POU3F2: variants seen among roughly 807,000 people sequenced by gnomAD.
The protein encoded by POU3F2 is POU class 3 homeobox 2.
In POU3F2, 11 loss-of-function variants were observed where a neutral mutation model predicts 33.1. That is an observed-to-expected ratio of 0.33 (90% CI 0.21 to 0.55). The LOEUF (loss-of-function observed/expected upper bound fraction) is 0.55, where lower values mean the gene tolerates loss of function less well. Ranked by LOEUF, POU3F2 falls within the 20% of genes least tolerant of loss-of-function variation. The pLI is 0.91. For synonymous variants in POU3F2, 332 were observed against 289.6 expected, an observed-to-expected ratio of 1.15 and a Z score of -1.49; for missense variants, 456 against 620.2, an observed-to-expected ratio of 0.74 and a Z score of 2.81.
At position 98,836,437 on chromosome 6, in the gene POU3F2, G is replaced by A. The variant is rs1029010673; in HGVS notation, c.*232G>A. 9.7e-5 allele frequency: 49 copies of A among 504,660 alleles called. No homozygotes were observed. Among genetic ancestry groups the A allele is most frequent in the Non-Finnish European group, 1.6e-4 (46 of 291,348 alleles). 31.3% of individuals were successfully genotyped at this position (504,660 alleles called of 1,614,324 possible). A position where few individuals can be genotyped will look rare whatever the true frequency, so the allele number is the denominator to read the frequency against. Reference sequence around the variant, plus strand: ...GATGTGTTTTGACCTTTGCAGGCGAGTAACCAGGCAATGGAGTGGAGTGTC... The same window carrying A: ...GATGTGTTTTGACCTTTGCAGGCGAATAACCAGGCAATGGAGTGGAGTGTC... On this transcript the variant is annotated 3_prime_UTR_variant, in exon 1 of 1. Coordinates refer to ENST00000328345, the MANE Select transcript of POU3F2 (RefSeq NM_005604.4).
chr6:98,836,987 A>T lies in POU3F2; in HGVS notation c.*782A>T, dbSNP rs1370099455. On this transcript the variant is annotated 3_prime_UTR_variant, in exon 1 of 1. Transcript: ENST00000328345. ...AACATCTATTTGTTCCTCTTACCAA[A>T]GCAAAAGGATTGGCTTCATACAAAA... 2 of 167,070 alleles carry T rather than the reference A, an allele frequency of 1.2e-5. No individual in the cohort carries two copies. The highest frequency in any genetic ancestry group is 4.8e-5 in the African/African-American group (2 of 41,442). The allele number at this position is 167,070 out of a possible 1,614,324, so 10.3% of individuals were successfully genotyped here. A position where few individuals can be genotyped will look rare whatever the true frequency, so the allele number is the denominator to read the frequency against.
Position 98,834,925 on chromosome 6 carries a change from A to G in POU3F2, c.52A>G (p.Ile18Val), listed in dbSNP as rs761363151. The G allele has an allele frequency of 6.9e-6, 11 of 1,600,086 alleles. No homozygotes were observed. The East Asian group carries it at 9.0e-5, about 13-fold the overall frequency. The change falls in exon 1 of 1, where the codon ATC becomes GTC. Residue 18 changes from isoleucine to valine, a missense_variant. Around this residue, in one of 6 missense-constraint regions of POU3F2, gnomAD observed 341 missense variants for 382.4 expected, o/e 0.89. Coordinates refer to ENST00000328345, the MANE Select transcript of POU3F2 (RefSeq NM_005604.4). ...HYSLLTSSAS[I>V]VHAEPPGGMQ... ...CAGCCTGCTCACCTCCAGCGCCTCC[A>G]TCGTGCACGCCGAGCCGCCCGGCGG...
Position 98,834,963 on chromosome 6 carries a change from C to A in POU3F2, c.90C>A (p.Gly30=), listed in dbSNP as rs1487665267. The change falls in exon 1 of 1, where the codon GGC becomes GGA. Residue 30 remains glycine (G), a synonymous_variant. Coordinates refer to ENST00000328345, the MANE Select transcript of POU3F2 (RefSeq NM_005604.4). ...AGCCGCCCGGCGGCATGCAGCAGGGCGCGGGGGGCTACCGCGAAGCGCAGA... is the reference window on the plus strand; with the variant it reads ...AGCCGCCCGGCGGCATGCAGCAGGGAGCGGGGGGCTACCGCGAAGCGCAGA... ...HAEPPGGMQQ[G]AGGYREAQSL... 1.3e-6 allele frequency: 2 copies of A among 1,598,598 alleles called. No homozygotes were observed. Among genetic ancestry groups the A allele is most frequent in the Non-Finnish European group, 1.7e-6 (2 of 1,178,584 alleles).
Position 98,836,949 on chromosome 6 carries a change from C to G in POU3F2, c.*744C>G, listed in dbSNP as rs996075342. On this transcript the variant is annotated 3_prime_UTR_variant, in exon 1 of 1. Coordinates refer to ENST00000328345, the MANE Select transcript of POU3F2 (RefSeq NM_005604.4). ...GAACTTTGGTTACCTTCACATTCCC[C>G]TTACGAGGGTGTAACATCTATTTGT... 4.2e-5 allele frequency: 7 copies of G among 167,098 alleles called. No individual in the cohort carries two copies. The highest frequency in any genetic ancestry group is 1.7e-4 in the African/African-American group (7 of 41,450). The allele number at this position is 167,098 out of a possible 1,614,324, so 10.4% of individuals were successfully genotyped here.
chr6:98,835,628 C>A lies in POU3F2; in HGVS notation c.755C>A (p.Pro252Gln), dbSNP rs1769988464. Residue 252 changes from proline to glutamine, a missense_variant, in exon 1 of 1, where the codon CCA (proline) becomes CAA (glutamine). Coordinates refer to ENST00000328345, the MANE Select transcript of POU3F2 (RefSeq NM_005604.4). This position sits in a 1 kb window ranked among gnomAD's most constrained non-coding sequence, Gnocchi z 9.7. ...CCCCCGCAGGGTCCGCCTGGCCACC[C>A]AGGCGCGCACCACGACCCGCACTCG... Reference protein sequence around the residue: ...PPPPQGPPGHPGAHHDPHSDE... With the variant: ...PPPPQGPPGHQGAHHDPHSDE... The A allele has an allele frequency of 1.2e-6, 2 of 1,612,526 alleles. No homozygotes were observed. Among genetic ancestry groups the A allele is most frequent in the African/African-American group, 2.7e-5 (2 of 74,934 alleles).
rs772489128 is a variant in POU3F2, at chr6:98,835,471, A to C, written c.598A>C (p.Met200Leu). The change falls in exon 1 of 1, where the codon ATG (methionine) becomes CTG (leucine). Residue 200 changes from methionine (M) to leucine (L), a missense_variant. Physicochemically the swap from Met to Leu is conservative, Grantham distance 15 (BLOSUM62 2). Transcript: ENST00000328345. This position sits in a 1 kb window ranked among gnomAD's most constrained non-coding sequence, Gnocchi z 9.7. ...GCAGCCCAGCTTCACGGTGAACGGC[A>C]TGCTGGGCGCCGGCGGGCAGCCGGC... ...YSQPSFTVNGMLGAGGQPAGL... is the reference protein window; with the variant it reads ...YSQPSFTVNGLLGAGGQPAGL... 1.9e-6 allele frequency: 3 copies of C among 1,578,136 alleles called. No homozygotes were observed. The highest frequency in any genetic ancestry group is 2.6e-6 in the Non-Finnish European group (3 of 1,168,896).
Position 98,835,047 on chromosome 6 carries a change from T to C in POU3F2, c.174T>C (p.Ala58=), listed in dbSNP as rs1769972169. Residue 58 remains alanine, a synonymous_variant, in exon 1 of 1, where the codon GCT becomes GCC. Coordinates refer to ENST00000328345, the MANE Select transcript of POU3F2 (RefSeq NM_005604.4). This position sits in a 1 kb window ranked among gnomAD's most constrained non-coding sequence, Gnocchi z 9.7. ...GCAACGGACACCCGCTCAGCCACGC[T>C]CACCAGTGGATCACCGCGCTGTCCC... ...LQSNGHPLSH[A]HQWITALSHG... 1 of 1,442,548 alleles carries C rather than the reference T, an allele frequency of 6.9e-7. No homozygotes were observed. Among genetic ancestry groups the C allele is most frequent in the Non-Finnish European group, 9.1e-7 (1 of 1,100,530 alleles). 89.4% of individuals were successfully genotyped at this position (1,442,548 alleles called of 1,614,324 possible).
chr6:98,835,511 A>G lies in POU3F2; in HGVS notation c.638A>G (p.His213Arg). 2 of 1,565,836 alleles carry G rather than the reference A, an allele frequency of 1.3e-6. No individual in the cohort carries two copies. The highest frequency in any genetic ancestry group is 8.6e-7 in the Non-Finnish European group (1 of 1,164,230). The change falls in exon 1 of 1, where the codon CAC becomes CGC. Residue 213 changes from histidine (H) to arginine (R), a missense_variant. By Grantham distance (29) the His-to-Arg change is conservative. Coordinates refer to ENST00000328345, the MANE Select transcript of POU3F2 (RefSeq NM_005604.4). This position sits in a 1 kb window ranked among gnomAD's most constrained non-coding sequence, Gnocchi z 9.7. ...GGGCAGCCGGCCGGTCTGCACCACCACGGCCTGCGGGACGCGCACGACGAG... is the reference window on the plus strand; with the variant it reads ...GGGCAGCCGGCCGGTCTGCACCACCGCGGCCTGCGGGACGCGCACGACGAG... ...AGGQPAGLHHHGLRDAHDEPH... is the reference protein window; with the variant it reads ...AGGQPAGLHHRGLRDAHDEPH...
chr6:98,836,131 C>T lies in POU3F2; in HGVS notation c.1258C>T (p.Pro420Ser). Residue 420 changes from proline (P) to serine (S), a missense_variant, in exon 1 of 1, where the codon CCG becomes TCG. Pro to Ser is a moderately conservative substitution (Grantham distance 74). This residue lies in a region of POU3F2 where 46 missense variants were observed against 45.6 expected (regional missense o/e 1.01). Transcript: ENST00000328345. The part of the protein sequence containing the change: ...KRMTPPGGTL[P>S]GAEDVYGGSR... Reference sequence around the variant, plus strand: ...GATGACCCCTCCCGGAGGGACTCTGCCGGGCGCCGAGGATGTGTACGGGGG... The same window carrying T: ...GATGACCCCTCCCGGAGGGACTCTGTCGGGCGCCGAGGATGTGTACGGGGG... 4 of 1,605,084 alleles carry T rather than the reference C, an allele frequency of 2.5e-6. No individual in the cohort carries two copies. The highest frequency in any genetic ancestry group is 3.4e-6 in the Non-Finnish European group (4 of 1,177,884).
At position 98,838,957 on chromosome 6, in the gene POU3F2, T is replaced by C. The variant is rs1770036365; in HGVS notation, c.*2752T>C. 6.6e-6 allele frequency: 1 copy of C among 151,992 alleles called. No individual in the cohort carries two copies. Among genetic ancestry groups the C allele is most frequent in the Non-Finnish European group, 1.5e-5 (1 of 67,994 alleles). 9.4% of individuals were successfully genotyped at this position (151,992 alleles called of 1,614,324 possible). A position where few individuals can be genotyped will look rare whatever the true frequency, so the allele number is the denominator to read the frequency against. On this transcript the variant is annotated 3_prime_UTR_variant, in exon 1 of 1. Transcript: ENST00000328345. ...AAAGTTTTGGAATAAATTTTATGCA[T>C]ATACTGCCAGATTTGATGTTCATAA...
In POU3F2 at chr6:98,835,506, C is replaced by G; in HGVS notation, c.633C>G (p.His211Gln). Reference sequence around the variant, plus strand: ...CCGGCGGGCAGCCGGCCGGTCTGCACCACCACGGCCTGCGGGACGCGCACG... The same window carrying G: ...CCGGCGGGCAGCCGGCCGGTCTGCAGCACCACGGCCTGCGGGACGCGCACG... ...LGAGGQPAGL[H>Q]HHGLRDAHDE... Residue 211 changes from histidine (H) to glutamine (Q), a missense_variant, in exon 1 of 1, where the codon CAC (histidine) becomes CAG (glutamine). Physicochemically the swap from His to Gln is conservative, Grantham distance 24. Coordinates refer to ENST00000328345, the MANE Select transcript of POU3F2 (RefSeq NM_005604.4). The surrounding 1 kb of genome is among the most constrained non-coding windows in gnomAD (Gnocchi z 9.7). The G allele has an allele frequency of 6.4e-7, 1 of 1,565,404 alleles. No individual in the cohort carries two copies. The highest frequency in any genetic ancestry group is 8.6e-7 in the Non-Finnish European group (1 of 1,164,030).
rs1562201541 is a variant in POU3F2 at position 98,835,257 on chromosome 6, TCAGCAGCAGCAACAGCAA to T, written c.402_419del (p.Gln144_Gln149del). 18 of 1,542,092 alleles carry T rather than the reference TCAGCAGCAGCAACAGCAA, an allele frequency of 1.2e-5. No individual in the cohort carries two copies. The highest frequency in any genetic ancestry group is 1.4e-5 in the African/African-American group (1 of 71,862). ...GGCCAGGCGCCCTGCAGCAGCAGCA[TCAGCAGCAGCAACAGCAA>T]CAGCAGCAGCAACAGCAGCAACAGC... On this transcript the variant is annotated inframe_deletion, in exon 1 of 1. Coordinates refer to ENST00000328345, the MANE Select transcript of POU3F2 (RefSeq NM_005604.4). The surrounding 1 kb of genome is among the most constrained non-coding windows in gnomAD (Gnocchi z 9.7).
In POU3F2 at chr6:98,834,894, C is replaced by G. The variant is rs1053016703; in HGVS notation, c.21C>G (p.Asn7Lys). 2.5e-6 allele frequency: 4 copies of G among 1,599,698 alleles called. No homozygotes were observed. The highest frequency in any genetic ancestry group is 3.4e-6 in the Non-Finnish European group (4 of 1,179,340). The change falls in exon 1 of 1, where the codon AAC (asparagine) becomes AAG (lysine). Residue 7 changes from asparagine to lysine, a missense_variant. This residue lies in a region of POU3F2 where 341 missense variants were observed against 382.4 expected (regional missense o/e 0.89). Transcript: ENST00000328345. The stretch of plus-strand genomic sequence containing the variant: ...GAGTCATGGCGACCGCAGCGTCTAA[C>G]CACTACAGCCTGCTCACCTCCAGCG... Reference protein sequence around the residue: MATAASNHYSLLTSSAS... With the variant: MATAASKHYSLLTSSAS...
At position 98,837,377 on chromosome 6, in the gene POU3F2, T is replaced by C. The variant is rs1770013860; in HGVS notation, c.*1172T>C. ...CTACCTTCAGTTTTAGTAACAATTA[T>C]GAAGAATTATTTGTGCTGACAGCAG... On this transcript the variant is annotated 3_prime_UTR_variant, in exon 1 of 1. Transcript: ENST00000328345. The C allele has an allele frequency of 6.0e-6, 1 of 167,100 alleles. No individual in the cohort carries two copies. The highest frequency in any genetic ancestry group is 2.1e-4 in the South Asian group (1 of 4,828). 10.4% of individuals were successfully genotyped at this position (167,100 alleles called of 1,614,324 possible). A position where few individuals can be genotyped will look rare whatever the true frequency, so the allele number is the denominator to read the frequency against.
At position 98,834,886 on chromosome 6, in the gene POU3F2, G is replaced by A. The variant is rs779038428; in HGVS notation, c.13G>A (p.Ala5Thr). MATAASNHYSLLTSS... is the reference protein window; with the variant it reads MATATSNHYSLLTSS... ...GGCTCCGAGAGTCATGGCGACCGCA[G>A]CGTCTAACCACTACAGCCTGCTCAC... Residue 5 changes from alanine (A) to threonine (T), a missense_variant, in exon 1 of 1, where the codon GCG (alanine) becomes ACG (threonine). Around this residue, in one of 6 missense-constraint regions of POU3F2, gnomAD observed 341 missense variants for 382.4 expected, o/e 0.89. Coordinates refer to ENST00000328345, the MANE Select transcript of POU3F2 (RefSeq NM_005604.4). 1.3e-6 allele frequency: 2 copies of A among 1,599,204 alleles called. No homozygotes were observed. Among genetic ancestry groups the A allele is most frequent in the East Asian group, 2.2e-5 (1 of 44,616 alleles).
At position 98,834,704 on chromosome 6, in the gene POU3F2, A is replaced by C. The variant is rs186667950; in HGVS notation, c.-170A>C. 39 of 692,480 alleles carry C rather than the reference A, an allele frequency of 5.6e-5. No individual in the cohort carries two copies. The highest frequency in any genetic ancestry group is 4.7e-4 in the African/African-American group (25 of 53,746). 42.9% of individuals were successfully genotyped at this position (692,480 alleles called of 1,614,324 possible). A position where few individuals can be genotyped will look rare whatever the true frequency, so the allele number is the denominator to read the frequency against. ...AGGCGGCGGCGGCGGCAGCAGCAGC[A>C]GTAATAGCAGGAGCAGCAACAGAAG... On this transcript the variant is annotated 5_prime_UTR_variant, in exon 1 of 1. Transcript: ENST00000328345.
chr6:98,835,966 G>A lies in POU3F2; in HGVS notation c.1093G>A (p.Val365Ile). 6.2e-7 allele frequency: 1 copy of A among 1,614,194 alleles called. No homozygotes were observed. The highest frequency in any genetic ancestry group is 8.5e-7 in the Non-Finnish European group (1 of 1,180,042). ...RKKRTSIEVS[V>I]KGALESHFLK... ...AAAGCGGACCTCCATCGAGGTGAGC[G>A]TCAAGGGGGCTCTGGAGAGCCATTT... The change falls in exon 1 of 1, where the codon GTC (valine) becomes ATC (isoleucine). Residue 365 changes from valine to isoleucine, a missense_variant. Transcript: ENST00000328345. This position sits in a 1 kb window ranked among gnomAD's most constrained non-coding sequence, Gnocchi z 9.7.
In POU3F2 at chr6:98,836,201, A is replaced by T; in HGVS notation, c.1328A>T (p.Gln443Leu). Reference protein sequence around the residue: ...PPHHGVQTPVQ With the variant: ...PPHHGVQTPVL ...CACCACGGGGTGCAGACGCCCGTCC[A>T]GTGAACTCGAGCTGGGGGAGGGGCA... Residue 443 changes from glutamine to leucine, a missense_variant, in exon 1 of 1, where the codon CAG becomes CTG. This residue lies in a region of POU3F2 where 46 missense variants were observed against 45.6 expected (regional missense o/e 1.01). Transcript: ENST00000328345. 6.4e-7 allele frequency: 1 copy of T among 1,567,190 alleles called. No homozygotes were observed. Among genetic ancestry groups the T allele is most frequent in the Non-Finnish European group, 8.6e-7 (1 of 1,166,478 alleles).
In POU3F2 at chr6:98,835,644, C is replaced by T. The variant is rs770981201; in HGVS notation, c.771C>T (p.Asp257=). 3 of 1,613,096 alleles carry T rather than the reference C, an allele frequency of 1.9e-6. No individual in the cohort carries two copies. The highest frequency in any genetic ancestry group is 2.2e-5 in the South Asian group (2 of 91,088). The change falls in exon 1 of 1, where the codon GAC becomes GAT. Residue 257 remains aspartate (D), a synonymous_variant. Coordinates refer to ENST00000328345, the MANE Select transcript of POU3F2 (RefSeq NM_005604.4). The surrounding 1 kb of genome is among the most constrained non-coding windows in gnomAD (Gnocchi z 9.7). The part of the protein sequence containing the change: ...GPPGHPGAHH[D]PHSDEDTPTS... ...CTGGCCACCCAGGCGCGCACCACGA[C>T]CCGCACTCGGACGAGGACACGCCGA...
Sources: gnomAD v4.1 joint callset for allele counts on GRCh38, gnomAD v4.1.1 for gene constraint, gnomAD v4.1.1 regional missense constraint, Gnocchi (gnomAD v3.1) non-coding constraint, MANE v1.5 for transcripts, NCBI Gene and HGNC (gene_info 2026-07-23, HGNC 2026-07-21) for gene names.